PUM1: variants seen among roughly 807,000 people sequenced by gnomAD.
The protein encoded by PUM1 is pumilio RNA binding family member 1.
PUM1 carries 13 observed loss-of-function variants against 131.8 expected under a neutral mutation model. The ratio of observed to expected loss-of-function variants is 0.10; its 90% CI spans 0.06 to 0.16. The LOEUF (loss-of-function observed/expected upper bound fraction) is 0.16. Ranked by LOEUF, PUM1 falls within the 10% of genes least tolerant of loss-of-function variation. The pLI, the probability that PUM1 is intolerant of heterozygous loss-of-function variation, is 1.00. For synonymous variants in PUM1, 509 were observed against 556.5 expected, an observed-to-expected ratio of 0.91 and a Z score of 1.20; for missense variants, 961 against 1,512.4, an observed-to-expected ratio of 0.64 and a Z score of 6.05.
In PUM1 at chr1:31,006,258, T is replaced by C. The variant is rs139746739; in HGVS notation, c.542-227A>G. On this transcript the variant is annotated intron_variant, in intron 4 of 21. Transcript: ENST00000426105. ...GGAATACAACAGTTTATCTAGCTTA[T>C]CTGGTTTAACTAGCTGAGTGGATAA... Among the ~76,000 whole-genome samples the C allele has an allele frequency of 2.5e-3, 376 of 152,326 alleles. 3 individuals are homozygous for C. The highest frequency in any genetic ancestry group is 8.8e-3 in the African/African-American group (366 of 41,560).
At chr1:31,051,381 G>A (rs1003647352) in intron 2 of PUM1, among the ~76,000 whole-genome samples, 1 of 149,480 alleles carries the variant, frequency 6.7e-6, no homozygotes, top group Non-Finnish European at 1.5e-5. Flanking sequence ...TCGGCTCACC[G>A]CAAACTCTGC....
chr1:31,012,580 T>C (rs1458788405), intron 3 of PUM1, among the ~76,000 whole-genome samples: 1 of 144,080 alleles, frequency 6.9e-6, no homozygotes, highest in African/African-American at 2.6e-5. Context: ...AAAAATTCAG[T>C]AAGCTTATCT....
At chr1:31,018,856 G>A (rs1479721538) in intron 3 of PUM1, among the ~76,000 whole-genome samples, 2 of 151,968 alleles carry the variant, frequency 1.3e-5, no homozygotes, top group Non-Finnish European at 2.9e-5. Flanking sequence ...GTCTCCTGTG[G>A]GGTACATGAA....
At chr1:30,969,925 A>T (rs77712090) in intron 10 of PUM1, among the ~76,000 whole-genome samples, 3,219 of 152,320 alleles carry the variant, frequency 0.021, 36 homozygotes, top group Middle Eastern at 0.065. Flanking sequence ...GGCCTGCCAA[A>T]GTGTTGGGAT....
intron 2 of PUM1, among the ~76,000 whole-genome samples, chr1:31,056,665 T>C (rs1391045142): frequency 7.8e-6 from 1 of 128,442 alleles, no homozygotes; most frequent in Non-Finnish European, 1.6e-5. Flanking sequence ...CCCACTCTGT[T>C]GCCCAGGCTG....
intron 7 of PUM1, among the ~76,000 whole-genome samples, chr1:30,983,604 TTTTG>T (rs1641436436): frequency 6.6e-6 from 1 of 152,042 alleles, no homozygotes; most frequent in African/African-American, 2.4e-5. Context: ...CTTCATATAT[TTTTG>T]TTTGTTTGAA....
intron 3 of PUM1, among the ~76,000 whole-genome samples, chr1:31,026,581 T>C (rs1643230808): frequency 6.6e-6 from 1 of 152,262 alleles, no homozygotes; most frequent in South Asian, 2.1e-4. Flanking sequence ...GGAAATGTTT[T>C]ACCTCTCAAT....
intron 21 of PUM1, chr1:30,935,759 G>T (rs1300489319): frequency 2.3e-6 from 1 of 435,720 alleles, no homozygotes; most frequent in African/African-American, 2.1e-5. Flanking sequence ...GGGCAAGTGG[G>T]TCATCATTGC....
rs778034649 is a variant in PUM1, at chr1:30,957,744, T to A, written c.2324-3763A>T. 1.9e-4 allele frequency among the ~76,000 whole-genome samples: 29 copies of A among 152,382 alleles called. 1 individual carries two copies. In the South Asian group the frequency reaches 2.7e-3, roughly 14 times the overall value. On this transcript the variant is annotated intron_variant, in intron 14 of 21. Coordinates refer to ENST00000426105, the MANE Select transcript of PUM1 (RefSeq NM_001020658.2). Reference sequence around the variant, plus strand: ...TTTTTGTACTCATAGATCTAATAGATGCCTAATGGGCAAAGCCCTGCCTTC... The same window carrying A: ...TTTTTGTACTCATAGATCTAATAGAAGCCTAATGGGCAAAGCCCTGCCTTC...
chr1:31,047,666 G>A (rs1644001416), intron 2 of PUM1, among the ~76,000 whole-genome samples: 1 of 152,238 alleles, frequency 6.6e-6, no homozygotes, highest in South Asian at 2.1e-4. Context: ...CCACTGGCTG[G>A]GCATGGTGGC....
At chr1:30,985,921 G>A (rs1285212766) in intron 7 of PUM1, among the ~76,000 whole-genome samples, 1 of 152,048 alleles carries the variant, frequency 6.6e-6, no homozygotes, top group Non-Finnish European at 1.5e-5. Flanking sequence ...TGCATAGCTT[G>A]TACTAGATGA....
At chr1:31,010,853 G>T (rs1642585456) in intron 3 of PUM1, among the ~76,000 whole-genome samples, 2 of 152,192 alleles carry the variant, frequency 1.3e-5, no homozygotes, top group South Asian at 4.1e-4. Context: ...CTAACCTATA[G>T]CAACTATGAG....
chr1:30,949,631 T>C (rs985802889), intron 17 of PUM1, among the ~76,000 whole-genome samples: 1 of 151,924 alleles, frequency 6.6e-6, no homozygotes, highest in Non-Finnish European at 1.5e-5. Context: ...TGGGCAGGGA[T>C]CAGGTGTTAG....
chr1:30,981,725 A>C (rs1170354028), intron 7 of PUM1, among the ~76,000 whole-genome samples: 2 of 152,026 alleles, frequency 1.3e-5, no homozygotes, highest in African/African-American at 2.4e-5. Flanking sequence ...CTATATCTAT[A>C]TATCTATCTA....
At chr1:30,998,875 T>C (rs1642081158) in intron 5 of PUM1, among the ~76,000 whole-genome samples, 1 of 152,200 alleles carries the variant, frequency 6.6e-6, no homozygotes, top group African/African-American at 2.4e-5. Flanking sequence ...AAATGGTCTC[T>C]TAAAAACATG....
chr1:31,063,465 T>A (rs1644411265), intron 1 of PUM1, among the ~76,000 whole-genome samples: 1 of 152,090 alleles, frequency 6.6e-6, no homozygotes, highest in African/African-American at 2.4e-5. Flanking sequence ...CTCAAAATAG[T>A]TATCTAGGAG....
intron 7 of PUM1, among the ~76,000 whole-genome samples, chr1:30,988,163 G>A (rs1641640095): frequency 6.6e-6 from 1 of 152,078 alleles, no homozygotes; most frequent in Admixed American, 6.5e-5. Flanking sequence ...AAACAAAAAA[G>A]AATTAGAAAC....
chr1:31,051,712 TG>T (rs1376693814), intron 2 of PUM1, among the ~76,000 whole-genome samples: 1 of 152,116 alleles, frequency 6.6e-6, no homozygotes, highest in African/African-American at 2.4e-5. Flanking sequence ...GCAAGCAAAG[TG>T]GGTAAGCTCT....
intron 18 of PUM1, among the ~76,000 whole-genome samples, chr1:30,945,045 C>T (rs1639612151): frequency 6.6e-6 from 1 of 152,162 alleles, no homozygotes; most frequent in African/African-American, 2.4e-5. Context: ...CCAGCCTGGG[C>T]AACATGGTGA....
Sources: gnomAD v4.1 joint callset for allele counts (sites outside exome capture counted in the v4.1 genomes callset) on GRCh38, gnomAD v4.1.1 for gene constraint, MANE v1.5 for transcripts, NCBI Gene and HGNC (gene_info 2026-07-23, HGNC 2026-07-21) for gene names.